The following SCFD2 variants were observed in gnomAD, a reference collection of about 807,000 sequenced individuals.
The protein encoded by SCFD2 is sec1 family domain containing 2.
A neutral mutation model predicts 58.9 loss-of-function variants in SCFD2; 54 were observed. That is an observed-to-expected ratio of 0.92 (90% confidence interval 0.74 to 1.15). SCFD2 has a LOEUF of 1.15. Among genes scored for constraint, SCFD2 ranks in the 50% most tolerant of loss-of-function variants. The pLI is 0.00. For synonymous variants in SCFD2, 321 were observed against 335.9 expected, an observed-to-expected ratio of 0.96 and a Z score of 0.49; for missense variants, 805 against 836.6, an observed-to-expected ratio of 0.96 and a Z score of 0.47.
intron 4 of SCFD2, among the ~76,000 whole-genome samples, chr4:53,185,989 A>G (rs1316724465): frequency 6.6e-6 from 1 of 152,122 alleles, no homozygotes; most frequent in Non-Finnish European, 1.5e-5. Context: ...GTAAAAATCT[A>G]CAGGGTAGGC....
At chr4:53,232,412 G>T (rs1189129488) in intron 4 of SCFD2, among the ~76,000 whole-genome samples, 13 of 152,018 alleles carry the variant, frequency 8.6e-5, no homozygotes, top group African/African-American at 2.7e-4. Context: ...AAGCTTTTTG[G>T]CAATTTTGTT....
At chr4:53,181,309 G>C (rs1228620998) in intron 4 of SCFD2, among the ~76,000 whole-genome samples, 1 of 152,150 alleles carries the variant, frequency 6.6e-6, no homozygotes, top group African/African-American at 2.4e-5. Context: ...TATCCACCAT[G>C]ATCAAGTGGG....
At chr4:53,109,393 AC>A (rs1230005674) in intron 5 of SCFD2, among the ~76,000 whole-genome samples, 1 of 152,154 alleles carries the variant, frequency 6.6e-6, no homozygotes, top group Non-Finnish European at 1.5e-5. Context: ...AAATAAATAA[AC>A]GGTATTCAAA....
chr4:53,106,341 G>A (rs1725001215), intron 5 of SCFD2, among the ~76,000 whole-genome samples: 1 of 152,224 alleles, frequency 6.6e-6, no homozygotes, highest in African/African-American at 2.4e-5. Context: ...CTGCTTGCCA[G>A]CAAGGGAACA....
intron 4 of SCFD2, among the ~76,000 whole-genome samples, chr4:53,166,163 T>A (rs778729116): frequency 7.9e-5 from 12 of 152,248 alleles, no homozygotes; most frequent in Non-Finnish European, 1.6e-4. Context: ...TATTGTTTAT[T>A]GATTCATTTG....
chr4:53,250,074 C>T (rs554296758), intron 4 of SCFD2, among the ~76,000 whole-genome samples: 8 of 152,198 alleles, frequency 5.3e-5, no homozygotes, highest in Admixed American at 4.6e-4. Flanking sequence ...TGCAGAGACA[C>T]ACATAGGCTC....
At chr4:53,243,937 G>A (rs1729981261) in intron 4 of SCFD2, among the ~76,000 whole-genome samples, 1 of 151,926 alleles carries the variant, frequency 6.6e-6, no homozygotes. Flanking sequence ...TTTATTCAAT[G>A]AAGAGACATA....
chr4:53,102,269 G>C (rs1294342159), intron 5 of SCFD2, among the ~76,000 whole-genome samples: 2 of 152,132 alleles, frequency 1.3e-5, no homozygotes, highest in African/African-American at 2.4e-5. Context: ...ACTTCAAATA[G>C]ATCAGATTTT....
chr4:53,299,531 T>G (rs1732189439), intron 3 of SCFD2, among the ~76,000 whole-genome samples: 1 of 152,122 alleles, frequency 6.6e-6, no homozygotes, highest in Non-Finnish European at 1.5e-5. Context: ...CTGCAGGATA[T>G]TATCCAGGAG....
intron 4 of SCFD2, among the ~76,000 whole-genome samples, chr4:53,257,902 G>C (rs1262936380): frequency 6.6e-6 from 1 of 151,638 alleles, no homozygotes; most frequent in Non-Finnish European, 1.5e-5. Context: ...AAAAAAAATA[G>C]CAAAAAAGAT....
chr4:53,068,150 G>A (rs1238661157), intron 5 of SCFD2, among the ~76,000 whole-genome samples: 1 of 151,784 alleles, frequency 6.6e-6, no homozygotes, highest in East Asian at 1.9e-4. Flanking sequence ...AAATGTAAAG[G>A]GTCTTTCAAA....
chr4:53,331,847 T>TA (rs1298575154), intron 2 of SCFD2, among the ~76,000 whole-genome samples: 1 of 151,918 alleles, frequency 6.6e-6, no homozygotes, highest in Non-Finnish European at 1.5e-5. Context: ...GATAGACCGC[T>TA]AGCAAGACTA....
At chr4:53,118,307 C>G (rs1277126220) in intron 5 of SCFD2, among the ~76,000 whole-genome samples, 1 of 152,142 alleles carries the variant, frequency 6.6e-6, no homozygotes, top group Non-Finnish European at 1.5e-5. Context: ...ATGACCAGCT[C>G]AAGCAGTTCG....
chr4:52,883,035 A>G (rs961059920), intron 8 of SCFD2, among the ~76,000 whole-genome samples: 3 of 152,190 alleles, frequency 2.0e-5, no homozygotes, highest in Admixed American at 2.0e-4. Context: ...GGTCTTAGAC[A>G]GTCTATTGGG....
chr4:53,161,874 T>C (rs1402921733), intron 4 of SCFD2, among the ~76,000 whole-genome samples: 4 of 152,200 alleles, frequency 2.6e-5, no homozygotes, highest in Non-Finnish European at 4.4e-5. Context: ...ACCCAGGGTT[T>C]TTAAAATGCA....
intron 4 of SCFD2, among the ~76,000 whole-genome samples, chr4:53,227,404 AC>A (rs1332760049): frequency 6.6e-6 from 1 of 152,184 alleles, no homozygotes; most frequent in Non-Finnish European, 1.5e-5. Flanking sequence ...TCTTAAATAA[AC>A]CCATATAAGC....
chr4:52,970,622 T>G (rs1359437082), intron 5 of SCFD2, among the ~76,000 whole-genome samples: 1 of 152,038 alleles, frequency 6.6e-6, no homozygotes, highest in Non-Finnish European at 1.5e-5. Flanking sequence ...GGCAGCAGAG[T>G]CCTCTGCAGA....
intron 5 of SCFD2, among the ~76,000 whole-genome samples, chr4:53,036,697 G>T (rs1458237801): frequency 1.3e-5 from 2 of 151,984 alleles, no homozygotes; most frequent in African/African-American, 2.4e-5. Flanking sequence ...CTGTCAGGGG[G>T]TGTGGGGCTA....
intron 5 of SCFD2, among the ~76,000 whole-genome samples, chr4:52,970,382 G>T (rs1290555396): frequency 6.6e-6 from 1 of 152,226 alleles, no homozygotes; most frequent in African/African-American, 2.4e-5. Flanking sequence ...CCTGTGCATG[G>T]CTCAGAGGGT....
Sources: gnomAD v4.1 joint callset for allele counts (sites outside exome capture counted in the v4.1 genomes callset) on GRCh38, gnomAD v4.1.1 for gene constraint, MANE v1.5 for transcripts, NCBI Gene and HGNC (gene_info 2026-07-23, HGNC 2026-07-21) for gene names.